Variants in ACKR2 observed in about 807,000 individuals in gnomAD.
ACKR2 encodes C-C chemokine receptor D6.
For synonymous variants in ACKR2, 207 were observed against 192.2 expected, an observed-to-expected ratio of 1.08 and a Z score of -0.64; for missense variants, 457 against 477.3, an observed-to-expected ratio of 0.96 and a Z score of 0.40.
At chr3:42,860,189 A>AAAAAAAC (rs376833790) in intron 2 of ACKR2, among the ~76,000 whole-genome samples, 1,567 of 111,538 alleles carry the variant, frequency 0.014, 317 homozygotes, top group East Asian at 0.059. Context: ...AAAAAAAAAA[A>AAAAAAAC]GCAGGGGATG....
At chr3:42,812,249 A>G (rs572243024) in intron 1 of ACKR2, among the ~76,000 whole-genome samples, 32 of 152,286 alleles carry the variant, frequency 2.1e-4, no homozygotes, top group Admixed American at 1.6e-3. Flanking sequence ...GAGTATTGTA[A>G]TGGGACTGCA....
intron 2 of ACKR2, among the ~76,000 whole-genome samples, chr3:42,827,457 A>G (rs1428749447): frequency 2.6e-5 from 4 of 152,172 alleles, no homozygotes; most frequent in Admixed American, 6.5e-5. Flanking sequence ...CCATGTTGTA[A>G]CTGTATCTCC....
chr3:42,846,929 A>G (rs1387788614), intron 2 of ACKR2, among the ~76,000 whole-genome samples: 25 of 152,194 alleles, frequency 1.6e-4, no homozygotes, highest in Admixed American at 1.6e-3. Context: ...GGAGCAAATA[A>G]TTACACAGAA....
chr3:42,843,000 A>AG (rs1293492801), intron 2 of ACKR2, among the ~76,000 whole-genome samples: 5 of 146,848 alleles, frequency 3.4e-5, no homozygotes, highest in African/African-American at 1.2e-4. Context: ...AAAAAAAAAA[A>AG]AAAGAAAGAA....
chr3:42,857,349 G>A (rs1282782625), intron 2 of ACKR2, among the ~76,000 whole-genome samples: 1 of 152,174 alleles, frequency 6.6e-6, no homozygotes. Flanking sequence ...AGGTGACTGA[G>A]TAGTTGGTGG....
At chr3:42,821,632 T>C (rs773407398) in intron 2 of ACKR2, among the ~76,000 whole-genome samples, 3 of 152,214 alleles carry the variant, frequency 2.0e-5, no homozygotes, top group Non-Finnish European at 4.4e-5. Flanking sequence ...AACACTCTCT[T>C]GCCTCTCTAT....
chr3:42,820,345 C>T lies in ACKR2; in HGVS notation c.-38+634C>T, dbSNP rs569859778. Among the ~76,000 whole-genome samples, 4 of 152,146 alleles carry T rather than the reference C, an allele frequency of 2.6e-5. No individual in the cohort carries two copies. The East Asian group carries it at 7.7e-4, about 29-fold the overall frequency. Reference sequence around the variant, plus strand: ...GGGAAAACCAGAAAAGAAATATAATCTGCTTTGGGAGTCTGAGGCGGATGG... The same window carrying T: ...GGGAAAACCAGAAAAGAAATATAATTTGCTTTGGGAGTCTGAGGCGGATGG... On this transcript the variant is annotated intron_variant, in intron 2 of 2. Transcript: ENST00000422265.
intron 2 of ACKR2, among the ~76,000 whole-genome samples, chr3:42,846,161 C>A (rs1276095535): frequency 6.6e-6 from 1 of 152,038 alleles, no homozygotes; most frequent in Non-Finnish European, 1.5e-5. Flanking sequence ...AGCCCAAGTG[C>A]CATGTAAGCA....
At chr3:42,858,245 G>A (rs935427407) in intron 2 of ACKR2, among the ~76,000 whole-genome samples, 2 of 152,236 alleles carry the variant, frequency 1.3e-5, no homozygotes, top group African/African-American at 4.8e-5. Context: ...CCTCCCAGCA[G>A]GGGTTGACAG....
intron 2 of ACKR2, 138 bp downstream of exon 2, chr3:42,819,849 C>G (rs1052098565): frequency 4.6e-5 from 7 of 152,368 alleles, no homozygotes; most frequent in Non-Finnish European, 1.0e-4. Flanking sequence ...TTCAGAGCCC[C>G]CCTTTCTCCT....
At chr3:42,847,916 A>G (rs1201853470) in intron 2 of ACKR2, among the ~76,000 whole-genome samples, 1 of 152,180 alleles carries the variant, frequency 6.6e-6, no homozygotes, top group Non-Finnish European at 1.5e-5. Flanking sequence ...GGGAAACGGG[A>G]AACCTAGTTG....
At chr3:42,816,561 ATT>A (rs780879895) in intron 1 of ACKR2, among the ~76,000 whole-genome samples, 5 of 143,878 alleles carry the variant, frequency 3.5e-5, no homozygotes, top group African/African-American at 5.1e-5. Flanking sequence ...CACTCAGTTC[ATT>A]TTTTTTTTTT....
chr3:42,864,640 A>G lies in ACKR2; in HGVS notation c.138A>G (p.Lys46=), dbSNP rs1204576998. 1 of 1,614,046 alleles carries G rather than the reference A, an allele frequency of 6.2e-7. No individual in the cohort carries two copies. The highest frequency in any genetic ancestry group is 8.5e-7 in the Non-Finnish European group (1 of 1,180,038). The change falls in exon 3 of 3, where the codon AAA becomes AAG. Residue 46 remains lysine (K), a synonymous_variant. Coordinates refer to ENST00000422265, the MANE Select transcript of ACKR2 (RefSeq NM_001296.5). ...AGGATGCAGTGGTGTCCTTTGGCAA[A>G]GTCTTCCTCCCAGTCTTCTATAGCC... The part of the protein sequence containing the change: ...CRKDAVVSFG[K]VFLPVFYSLI...
At chr3:42,837,144 A>G (rs888046347) in intron 2 of ACKR2, among the ~76,000 whole-genome samples, 1 of 152,180 alleles carries the variant, frequency 6.6e-6, no homozygotes, top group Non-Finnish European at 1.5e-5. Flanking sequence ...TGTAACTGTC[A>G]GTCTAAGGCC....
At chr3:42,813,935 G>T (rs182356878) in intron 1 of ACKR2, among the ~76,000 whole-genome samples, 88 of 152,200 alleles carry the variant, frequency 5.8e-4, no homozygotes, top group African/African-American at 2.1e-3. Flanking sequence ...AATTCTCCTT[G>T]CAAATTCTAA....
At chr3:42,838,169 C>A (rs1181077564) in intron 2 of ACKR2, among the ~76,000 whole-genome samples, 3 of 151,954 alleles carry the variant, frequency 2.0e-5, no homozygotes, top group East Asian at 1.9e-4. Context: ...AAAGCATAAT[C>A]CATAAAAGAA....
At chr3:42,851,764 C>T (rs1365970378) in intron 2 of ACKR2, among the ~76,000 whole-genome samples, 1 of 152,156 alleles carries the variant, frequency 6.6e-6, no homozygotes, top group Non-Finnish European at 1.5e-5. Context: ...CTTTCCATCT[C>T]TGGGCCTCAG....
At chr3:42,823,588 C>A (rs1284738315) in intron 2 of ACKR2, among the ~76,000 whole-genome samples, 1 of 152,168 alleles carries the variant, frequency 6.6e-6, no homozygotes, top group Non-Finnish European at 1.5e-5. Context: ...GCAGAACTTA[C>A]CCTCTTTGGG....
intron 2 of ACKR2, among the ~76,000 whole-genome samples, chr3:42,842,857 C>T (rs1048957529): frequency 6.6e-6 from 1 of 151,256 alleles, no homozygotes; most frequent in Non-Finnish European, 1.5e-5. Context: ...GTGGTGGACA[C>T]CTGTAATCCC....
Sources: allele counts gnomAD v4.1 joint callset (sites outside exome capture counted in the v4.1 genomes callset), GRCh38; gene constraint gnomAD v4.1.1; transcripts MANE v1.5; gene names NCBI Gene and HGNC (gene_info 2026-07-23, HGNC 2026-07-21).